Variants in PRKG1 observed in about 807,000 individuals in gnomAD.
PRKG1 encodes the protein protein kinase cGMP-dependent 1, also known as cGMP-dependent protein kinase 1.
In PRKG1, 35 loss-of-function variants were observed where a neutral mutation model predicts 88.1. That is an observed-to-expected ratio of 0.40 (90% CI 0.30 to 0.53). The LOEUF (loss-of-function observed/expected upper bound fraction) is 0.53. PRKG1 is among the 20% of genes least tolerant of loss of function. PRKG1 has a pLI of 0.59. For synonymous variants in PRKG1, 303 were observed against 292.5 expected (o/e 1.04, Z -0.37); for missense variants, 540 against 839.8 (o/e 0.64, Z 4.41).
intron 9 of PRKG1, among the ~76,000 whole-genome samples, chr10:52,227,620 G>C (rs1332731511): frequency 6.6e-6 from 1 of 152,016 alleles, no homozygotes; most frequent in Non-Finnish European, 1.5e-5. Context: ...AGGAGATCCT[G>C]GAACTAGTCC....
chr10:51,011,741 T>C (rs1163916259), intron 1 of PRKG1, among the ~76,000 whole-genome samples: 1 of 152,260 alleles, frequency 6.6e-6, no homozygotes, highest in African/African-American at 2.4e-5. Flanking sequence ...CTTGCCTTAC[T>C]CTGGGTTCAG....
chr10:51,951,060 T>A (rs1235449424), intron 5 of PRKG1, among the ~76,000 whole-genome samples: 7 of 152,158 alleles, frequency 4.6e-5, no homozygotes, highest in Admixed American at 4.6e-4. Flanking sequence ...ATAAAAGGCA[T>A]TATTCAGAAA....
chr10:51,195,965 C>G (rs1481287478), intron 2 of PRKG1, among the ~76,000 whole-genome samples: 2 of 152,166 alleles, frequency 1.3e-5, no homozygotes, highest in African/African-American at 4.8e-5. Context: ...ACATTTTCCA[C>G]TTGAGCTGCA....
In PRKG1 at chr10:51,863,011, T is replaced by A. The variant is rs1404426686; in HGVS notation, c.699-44496T>A. Among the ~76,000 whole-genome samples the A allele has an allele frequency of 2.6e-5, 4 of 152,168 alleles. No individual in the cohort carries two copies. In the East Asian group the frequency reaches 7.7e-4, roughly 29 times the overall value. Reference sequence around the variant, plus strand: ...CAGGTGTCTTGGTGATTTGGAGGGATCCGAGAATATAAATCTCATATCCTC... The same window carrying A: ...CAGGTGTCTTGGTGATTTGGAGGGAACCGAGAATATAAATCTCATATCCTC... On this transcript the variant is annotated intron_variant, in intron 4 of 17. Coordinates refer to ENST00000373980, the MANE Select transcript of PRKG1 (RefSeq NM_006258.4).
intron 10 of PRKG1, among the ~76,000 whole-genome samples, chr10:52,267,447 T>G (rs1304613546): frequency 6.6e-6 from 1 of 151,892 alleles, no homozygotes; most frequent in Non-Finnish European, 1.5e-5. Flanking sequence ...ACTTGCAAGT[T>G]TTTTCATGAT....
intron 2 of PRKG1, among the ~76,000 whole-genome samples, chr10:51,166,233 G>A (rs1487888264): frequency 6.6e-6 from 1 of 150,474 alleles, no homozygotes; most frequent in Non-Finnish European, 1.5e-5. Flanking sequence ...AAAAAGATTT[G>A]TAATAACTTG....
intron 3 of PRKG1, among the ~76,000 whole-genome samples, chr10:51,606,806 G>C (rs1057229282): frequency 1.3e-5 from 2 of 152,108 alleles, no homozygotes; most frequent in Non-Finnish European, 2.9e-5. Flanking sequence ...ATTGTTCCTG[G>C]AATGAGATCC....
chr10:51,493,284 A>G (rs1459621412), intron 3 of PRKG1, among the ~76,000 whole-genome samples: 1 of 152,184 alleles, frequency 6.6e-6, no homozygotes, highest in Non-Finnish European at 1.5e-5. Context: ...TACTTTGTCC[A>G]ACATGGATTT....
intron 1 of PRKG1, among the ~76,000 whole-genome samples, chr10:50,994,206 C>T (rs1842810303): frequency 6.6e-6 from 1 of 152,060 alleles, no homozygotes; most frequent in African/African-American, 2.4e-5. Flanking sequence ...ATTATGTACT[C>T]TTCTTGGCAC....
At chr10:51,763,649 G>T (rs2132532174) in intron 3 of PRKG1, among the ~76,000 whole-genome samples, 1 of 149,014 alleles carries the variant, frequency 6.7e-6, no homozygotes. Context: ...TTTAATTACT[G>T]ACCTGTTAAT....
intron 3 of PRKG1, among the ~76,000 whole-genome samples, chr10:51,780,549 G>T (rs564139871): frequency 6.6e-6 from 1 of 152,098 alleles, no homozygotes; most frequent in East Asian, 1.9e-4. Flanking sequence ...ATAGTCTTAA[G>T]CTACCACATA....
chr10:51,210,267 C>T (rs911390267), intron 2 of PRKG1, among the ~76,000 whole-genome samples: 7 of 152,122 alleles, frequency 4.6e-5, no homozygotes, highest in African/African-American at 7.2e-5. Context: ...TTGAAACCAA[C>T]GAGAACAAAG....
intron 7 of PRKG1, among the ~76,000 whole-genome samples, chr10:52,113,530 G>A (rs61251882): frequency 0.014 from 2,152 of 152,236 alleles, 42 homozygotes; most frequent in African/African-American, 0.043. Context: ...AAGAATATCA[G>A]CCTACAATCT....
rs563425581 is a variant in PRKG1 at position 52,005,429 on chromosome 10, C to A, written c.763-49055C>A. ...TGTTTTTAAAAGGCTGTGGAGCTTC[C>A]TATTGTCCTGAGAAATACCTGGACA... On this transcript the variant is annotated intron_variant, in intron 5 of 17. Coordinates refer to ENST00000373980, the MANE Select transcript of PRKG1 (RefSeq NM_006258.4). Among the ~76,000 whole-genome samples the A allele has an allele frequency of 3.9e-5, 6 of 152,160 alleles. No homozygotes were observed. In the South Asian group the frequency reaches 8.3e-4, roughly 21 times the overall value.
At chr10:51,525,374 C>T (rs1249460593) in intron 3 of PRKG1, among the ~76,000 whole-genome samples, 1 of 152,174 alleles carries the variant, frequency 6.6e-6, no homozygotes, top group Non-Finnish European at 1.5e-5. Context: ...TCTTCCCTTG[C>T]ACTTCAAAAT....
In PRKG1 at chr10:51,999,798, A is replaced by G. The variant is rs117186641; in HGVS notation, c.763-54686A>G. On this transcript the variant is annotated intron_variant, in intron 5 of 17. Transcript: ENST00000373980. ...TTTCAGTCTTTAGTATAATTTGTAT[A>G]TCTCCATGCATTTTAAGGGATCATG... Among the ~76,000 whole-genome samples, 457 of 152,256 alleles carry G rather than the reference A, an allele frequency of 3.0e-3. 18 individuals carry two copies. In the East Asian group the frequency reaches 0.079, roughly 26 times the overall value.
Position 51,800,543 on chromosome 10 carries a change from C to G in PRKG1, c.593-4042C>G, listed in dbSNP as rs137895918. 3.5e-4 allele frequency among the ~76,000 whole-genome samples: 53 copies of G among 152,210 alleles called. 5 individuals are homozygous for G. Among genetic ancestry groups the G allele is most frequent in the Middle Eastern group, 6.8e-3 (2 of 294 alleles). ...CTCATGTGATATATTGAATACTTTA[C>G]TGCAGTACAGTTTCTAGTGAATACA... On this transcript the variant is annotated intron_variant, in intron 3 of 17. Transcript: ENST00000373980.
chr10:51,389,244 C>T (rs542532968), intron 2 of PRKG1, among the ~76,000 whole-genome samples: 55 of 152,230 alleles, frequency 3.6e-4, no homozygotes, highest in African/African-American at 1.0e-3. Flanking sequence ...GCTTTGCTTC[C>T]GTTATGCAAG....
At chr10:51,377,553 G>A (rs1356854458) in intron 2 of PRKG1, among the ~76,000 whole-genome samples, 1 of 151,978 alleles carries the variant, frequency 6.6e-6, no homozygotes, top group Non-Finnish European at 1.5e-5. Flanking sequence ...GCCATGAAGC[G>A]GGCACCTATG....
Sources: gnomAD v4.1 joint callset for allele counts (sites outside exome capture counted in the v4.1 genomes callset) on GRCh38, gnomAD v4.1.1 for gene constraint, MANE v1.5 for transcripts, NCBI Gene and HGNC (gene_info 2026-07-23, HGNC 2026-07-21) for gene names.